The following HDLBP variants were observed in gnomAD, a reference collection of about 807,000 sequenced individuals.
HDLBP encodes the protein vigilin.
In HDLBP, 30 loss-of-function variants were observed where a neutral mutation model predicts 137.3. The observed-to-expected ratio is 0.22, with a 90% CI of 0.16 to 0.30. The LOEUF is 0.30. Ranked by LOEUF, HDLBP falls within the 10% of genes least tolerant of loss-of-function variation. The pLI is 1.00. For missense variants in HDLBP, 1,119 were observed against 1,667.3 expected, an observed-to-expected ratio of 0.67 and a Z score of 5.73; for synonymous variants, 606 against 596.0, an observed-to-expected ratio of 1.02 and a Z score of -0.24.
chr2:241,308,152 G>A (rs915316285), intron 1 of HDLBP, among the ~76,000 whole-genome samples: 1 of 152,142 alleles, frequency 6.6e-6, no homozygotes. Context: ...CGGGAAATAC[G>A]ATTTTAATGG....
chr2:241,267,909 G>C, intron 2 of HDLBP: 1 of 985,416 alleles, frequency 1.0e-6, no homozygotes, highest in Non-Finnish European at 1.2e-6. Context: ...GCGGGATATG[G>C]GCTCCGAAAG....
chr2:241,239,852 C>T lies in HDLBP; in HGVS notation c.2392-32G>A, dbSNP rs1440547854. ...TGTTAAGAAGAGATGGAAGATAAGC[C>T]ACCCCATCACGGCCCCAGCAGAGTC... On this transcript the variant is annotated intron_variant, in intron 18 of 27. Transcript: ENST00000310931. This position sits in a 1 kb window ranked among gnomAD's most constrained non-coding sequence, Gnocchi z 4.6. The T allele has an allele frequency of 6.2e-7, 1 of 1,611,668 alleles. No individual in the cohort carries two copies. The highest frequency in any genetic ancestry group is 1.7e-5 in the Admixed American group (1 of 59,986).
At chr2:241,293,929 A>AC (rs1339806321) in intron 1 of HDLBP, among the ~76,000 whole-genome samples, 2 of 151,920 alleles carry the variant, frequency 1.3e-5, no homozygotes, top group East Asian at 1.9e-4. Context: ...CTCAAAAAAA[A>AC]AAAAAAACAA....
chr2:241,300,990 T>C (rs1164248672), intron 1 of HDLBP, among the ~76,000 whole-genome samples: 1 of 137,120 alleles, frequency 7.3e-6, no homozygotes, highest in Non-Finnish European at 1.6e-5. Context: ...TTATTATTAT[T>C]ATTTTGAGAC....
In HDLBP at chr2:241,266,541, G is replaced by A. The variant is rs1574971233; in HGVS notation, c.76+253C>T. On this transcript the variant is annotated intron_variant, in intron 3 of 27. Transcript: ENST00000310931. The stretch of plus-strand genomic sequence containing the variant: ...GAAAAGGACTGCATTAATTACCAAT[G>A]GTCAAATTCGCTGGCTTTCCAGAAA... The A allele has an allele frequency of 1.1e-5, 5 of 468,636 alleles. No homozygotes were observed. The East Asian group carries it at 1.8e-4, about 17-fold the overall frequency. The allele number at this position is 468,636 out of a possible 1,614,324, so 29.0% of individuals were successfully genotyped here.
Position 241,262,944 on chromosome 2 carries a change from A to G in HDLBP, c.235-18T>C. ...TGGAACACCTGCTCAAAAAAGATCA[A>G]AAAAGGAAAGGTTAAGAGATTAAAA... is the stretch of plus-strand genomic sequence containing the variant. On this transcript the variant is annotated intron_variant, in intron 4 of 27. Coordinates refer to ENST00000310931, the MANE Select transcript of HDLBP (RefSeq NM_005336.6). 1 of 1,593,628 alleles carries G rather than the reference A, an allele frequency of 6.3e-7. No individual in the cohort carries two copies. Among genetic ancestry groups the G allele is most frequent in the Non-Finnish European group, 8.6e-7 (1 of 1,161,572 alleles).
intron 5 of HDLBP, among the ~76,000 whole-genome samples, chr2:241,262,159 T>C (rs2073249930): frequency 6.6e-6 from 1 of 152,240 alleles, no homozygotes; most frequent in African/African-American, 2.4e-5. Flanking sequence ...AATTTGAACT[T>C]GTAATCTCCT....
chr2:241,230,700 C>T lies in HDLBP; in HGVS notation c.3474+59G>A, dbSNP rs1176000044. On this transcript the variant is annotated intron_variant, in intron 25 of 27. Transcript: ENST00000310931. The surrounding 1 kb of genome is among the most constrained non-coding windows in gnomAD (Gnocchi z 5.0). ...GGCCATGCCCTGCTCTTTCTTCTGG[C>T]CAGCCAGGTGCCCCCGGTGAGAGAG... 30 of 1,487,996 alleles carry T rather than the reference C, an allele frequency of 2.0e-5. No homozygotes were observed. The highest frequency in any genetic ancestry group is 2.5e-5 in the Non-Finnish European group (27 of 1,076,002). The allele number at this position is 1,487,996 out of a possible 1,614,324, so 92.2% of individuals were successfully genotyped here. A position where few individuals can be genotyped will look rare whatever the true frequency, so the allele number is the denominator to read the frequency against.
rs1278077776 is a variant in HDLBP at position 241,312,946 on chromosome 2, G to T, written c.-103+2624C>A. Among the ~76,000 whole-genome samples, 7 of 152,280 alleles carry T rather than the reference G, an allele frequency of 4.6e-5. No individual in the cohort carries two copies. In the East Asian group the frequency reaches 9.6e-4, roughly 21 times the overall value. On this transcript the variant is annotated intron_variant, in intron 1 of 27. Coordinates refer to ENST00000310931, the MANE Select transcript of HDLBP (RefSeq NM_005336.6). ...TCCTTCAGTACACAGTCTGAGCCAA[G>T]CCCTCTACCATTTGCCATGGCAAGA...
intron 1 of HDLBP, among the ~76,000 whole-genome samples, chr2:241,303,059 C>T (rs543636136): frequency 6.6e-6 from 1 of 152,302 alleles, no homozygotes; most frequent in South Asian, 2.1e-4. Flanking sequence ...CAAAAGTTCC[C>T]TAGAAGGGCA....
intron 1 of HDLBP, among the ~76,000 whole-genome samples, chr2:241,305,290 A>ATT (rs2075533703): frequency 6.6e-6 from 1 of 152,092 alleles, no homozygotes; most frequent in Non-Finnish European, 1.5e-5. Flanking sequence ...CACCCGGCTA[A>ATT]TTCTGTATTT....
At chr2:241,248,567 A>G (rs140420505) in intron 12 of HDLBP, among the ~76,000 whole-genome samples, 3 of 152,316 alleles carry the variant, frequency 2.0e-5, no homozygotes, top group Non-Finnish European at 4.4e-5. Flanking sequence ...ACTCCGCAAC[A>G]TGGGCTGCAC....
chr2:241,235,198 G>A lies in HDLBP; in HGVS notation c.3067C>T (p.Leu1023Phe). ...LQSDIIAITG[L>F]AANLDRAKAG... ...TTGGCCCGGTCCAAATTTGCAGCGAGGCCCGTGATGGCGATGATGTCAGAC... is the reference window on the plus strand; with the variant it reads ...TTGGCCCGGTCCAAATTTGCAGCGAAGCCCGTGATGGCGATGATGTCAGAC... Residue 1023 changes from leucine (L) to phenylalanine (F), a missense_variant, in exon 23 of 28, where the codon CTC becomes TTC. Around this residue, in one of 4 missense-constraint regions of HDLBP, gnomAD observed 618 missense variants for 816.7 expected, o/e 0.76. Coordinates refer to ENST00000310931, the MANE Select transcript of HDLBP (RefSeq NM_005336.6). 6.2e-7 allele frequency: 1 copy of A among 1,614,224 alleles called. No individual in the cohort carries two copies. Among genetic ancestry groups the A allele is most frequent in the South Asian group, 1.1e-5 (1 of 91,088 alleles).
At position 241,246,842 on chromosome 2, in the gene HDLBP, C is replaced by T. The variant is rs1396080829; in HGVS notation, c.1860G>A (p.Glu620=). Residue 620 remains glutamate, a synonymous_variant, in exon 16 of 28, where the codon GAG becomes GAA. Transcript: ENST00000310931. Reference sequence around the variant, plus strand: ...TGATAATGGTCTCTGAATTGCTATTCTCTGCTGGAAGGTCGATTTTGGTGT... The same window carrying T: ...TGATAATGGTCTCTGAATTGCTATTTTCTGCTGGAAGGTCGATTTTGGTGT... ...ESNTKIDLPA[E]NSNSETIIIT... is the part of the protein sequence containing the mutation. The T allele has an allele frequency of 6.2e-7, 1 of 1,614,058 alleles. No individual in the cohort carries two copies. Among genetic ancestry groups the T allele is most frequent in the Non-Finnish European group, 8.5e-7 (1 of 1,179,998 alleles).
rs145746718 is a variant in HDLBP, at chr2:241,255,413, A to G, written c.1041T>C (p.Pro347=). The G allele has an allele frequency of 1.2e-4, 190 of 1,614,108 alleles. No homozygotes were observed. Among genetic ancestry groups the G allele is most frequent in the Non-Finnish European group, 1.6e-4 (183 of 1,180,036 alleles). ...CAGTCAACGCCTGACCTAACTTTTC[A>G]GGTTCGCCTCGAAGTATTACAGTCT... The part of the protein sequence containing the change: ...ISETVILRGE[P]EKLGQALTEV... Residue 347 remains proline, a synonymous_variant, in exon 8 of 28, where the codon CCT becomes CCC. Transcript: ENST00000310931.
chr2:241,229,511 A>G lies in HDLBP; in HGVS notation c.*90T>C. 5 of 928,758 alleles carry G rather than the reference A, an allele frequency of 5.4e-6. No individual in the cohort carries two copies. The highest frequency in any genetic ancestry group is 8.4e-6 in the Non-Finnish European group (5 of 594,526). 57.5% of individuals were successfully genotyped at this position (928,758 alleles called of 1,614,324 possible). A position where few individuals can be genotyped will look rare whatever the true frequency, so the allele number is the denominator to read the frequency against. ...GGGGAAGAGCGTCAACAATTTACGG[A>G]GGGTCCAGCCGCTGGGTCAGATTGA... On this transcript the variant is annotated 3_prime_UTR_variant, in exon 28 of 28. Coordinates refer to ENST00000310931, the MANE Select transcript of HDLBP (RefSeq NM_005336.6).
chr2:241,299,807 G>A (rs1404286441), intron 1 of HDLBP, among the ~76,000 whole-genome samples: 2 of 151,794 alleles, frequency 1.3e-5, no homozygotes, highest in Admixed American at 1.3e-4. Context: ...TCCAGCTACT[G>A]GGGAGGCTGA....
chr2:241,302,755 A>G (rs1359280484), intron 1 of HDLBP: 1 of 152,210 alleles, frequency 6.6e-6, no homozygotes, highest in Non-Finnish European at 1.5e-5. Flanking sequence ...AGCTCTCTCC[A>G]GAGTCTCCAC....
At chr2:241,310,915 G>C (rs2075739176) in intron 1 of HDLBP, among the ~76,000 whole-genome samples, 1 of 152,142 alleles carries the variant, frequency 6.6e-6, no homozygotes, top group Non-Finnish European at 1.5e-5. Flanking sequence ...AGGAGTTCAA[G>C]ATCAGCCTGG....
Sources: allele counts gnomAD v4.1 joint callset (sites outside exome capture counted in the v4.1 genomes callset), GRCh38; gene constraint gnomAD v4.1.1; regional missense constraint gnomAD v4.1.1; non-coding constraint Gnocchi (gnomAD v3.1); transcripts MANE v1.5; gene names NCBI Gene and HGNC (gene_info 2026-07-23, HGNC 2026-07-21).